The following FMN2 variants were observed in gnomAD, a reference collection of about 807,000 sequenced individuals.
The protein encoded by FMN2 is formin-2.
In FMN2, 51 loss-of-function variants were observed where a neutral mutation model predicts 142.3. That is an observed-to-expected ratio of 0.36 (90% CI 0.29 to 0.45). The LOEUF is 0.45. Among genes scored for constraint, FMN2 ranks in the 20% least tolerant of loss-of-function variants. The probability of loss-of-function intolerance (pLI) is 1.00; values close to 1 mark genes in which losing one functional copy is unlikely to be tolerated. For missense variants in FMN2, 1,936 were observed against 2,122.8 expected (o/e 0.91, Z 1.73); for synonymous variants, 882 against 869.8 (o/e 1.01, Z -0.25).
At chr1:240,471,384 C>T (rs1185233789) in intron 16 of FMN2, among the ~76,000 whole-genome samples, 2 of 143,128 alleles carry the variant, frequency 1.4e-5, no homozygotes, top group Non-Finnish European at 3.0e-5. Flanking sequence ...TTTTTTGAGA[C>T]GGAGTCTCGC....
At chr1:240,257,633 G>A (rs1200611160) in intron 6 of FMN2, among the ~76,000 whole-genome samples, 1 of 152,124 alleles carries the variant, frequency 6.6e-6, no homozygotes, top group African/African-American at 2.4e-5. Context: ...TGATTTTACA[G>A]AGACCAGACT....
intron 7 of FMN2, among the ~76,000 whole-genome samples, chr1:240,273,189 T>G (rs1669079968): frequency 6.6e-6 from 1 of 152,210 alleles, no homozygotes; most frequent in African/African-American, 2.4e-5. Context: ...TGAAATAGAT[T>G]GTCTGCAAGA....
intron 15 of FMN2, among the ~76,000 whole-genome samples, chr1:240,419,346 C>T (rs1674688112): frequency 6.6e-6 from 1 of 152,108 alleles, no homozygotes; most frequent in Admixed American, 6.5e-5. Context: ...TACATATCAG[C>T]TCTTTTTGGT....
At chr1:240,450,681 A>T (rs1676005594) in intron 16 of FMN2, among the ~76,000 whole-genome samples, 1 of 152,210 alleles carries the variant, frequency 6.6e-6, no homozygotes, top group South Asian at 2.1e-4. Context: ...GCTCCTGGCC[A>T]ATGTGGCTCC....
chr1:240,437,756 A>C (rs1375247227), intron 15 of FMN2, among the ~76,000 whole-genome samples: 3 of 152,212 alleles, frequency 2.0e-5, no homozygotes, highest in African/African-American at 7.2e-5. Flanking sequence ...GCCACTTTCA[A>C]TATGTCTCAT....
Position 240,211,163 on chromosome 1 carries a change from A to C in FMN2, c.3993A>C (p.Leu1331Phe). The C allele has an allele frequency of 6.2e-7, 1 of 1,613,556 alleles. No individual in the cohort carries two copies. Among genetic ancestry groups the C allele is most frequent in the Non-Finnish European group, 8.5e-7 (1 of 1,179,768 alleles). Residue 1331 changes from leucine (L) to phenylalanine (F), a missense_variant, in exon 6 of 18, where the codon TTA becomes TTC. By Grantham distance (22) the Leu-to-Phe change is conservative. This residue lies in a region of FMN2 where 259 missense variants were observed against 230.9 expected (regional missense o/e 1.12). Coordinates refer to ENST00000319653, the MANE Select transcript of FMN2 (RefSeq NM_020066.5). ...TAGATTGTCATGAATTTGAGGAATT[A>C]TTTTCTAAAACTGCTGTAAAGGAGA... ...PSIDCHEFEE[L>F]FSKTAVKERK... is the part of the protein sequence containing the mutation.
intron 6 of FMN2, among the ~76,000 whole-genome samples, chr1:240,225,083 A>G (rs1473029167): frequency 6.6e-6 from 1 of 152,198 alleles, no homozygotes; most frequent in Non-Finnish European, 1.5e-5. Flanking sequence ...GTCAGTTTCA[A>G]TACCTCTGTT....
At position 240,329,348 on chromosome 1, in the gene FMN2, T is replaced by C. The variant is rs374500757; in HGVS notation, c.4317T>C (p.Tyr1439=). Residue 1439 remains tyrosine (Y), a synonymous_variant, in exon 10 of 18, where the codon TAT becomes TAC. Transcript: ENST00000319653. The stretch of plus-strand genomic sequence containing the variant: ...GGCTTTATTTCCTTAGGTTCCTTTA[T>C]GAACTGTCACTAATCCCCAACTTTT... ...KSLDKPEQFL[Y]ELSLIPNFSE... 1.9e-6 allele frequency: 3 copies of C among 1,612,306 alleles called. No individual in the cohort carries two copies. The highest frequency in any genetic ancestry group is 2.5e-6 in the Non-Finnish European group (3 of 1,179,614).
rs879614643 is a variant in FMN2, at chr1:240,311,346, A to AT, written c.4215+16463_4215+16464insT. ...CTGTGTTCCCATAACTTCCTAGAGG[A>AT]ATTTAATTGATTCATGTTTTAAGCA... is the stretch of plus-strand genomic sequence containing the variant. On this transcript the variant is annotated intron_variant, in intron 8 of 17. Coordinates refer to ENST00000319653, the MANE Select transcript of FMN2 (RefSeq NM_020066.5). Among the ~76,000 whole-genome samples the AT allele has an allele frequency of 2.8e-3, 430 of 152,292 alleles. 2 individuals are homozygous for AT. The highest frequency in any genetic ancestry group is 0.017 in the South Asian group (82 of 4,824).
intron 7 of FMN2, among the ~76,000 whole-genome samples, chr1:240,278,263 GT>G (rs1669284371): frequency 6.6e-6 from 1 of 152,208 alleles, no homozygotes; most frequent in Non-Finnish European, 1.5e-5. Context: ...GATCTTTGGA[GT>G]GCTGTATTCC....
chr1:240,091,941 G>T lies in FMN2; in HGVS notation c.-169G>T. On this transcript the variant is annotated 5_prime_UTR_variant, in exon 1 of 18. Coordinates refer to ENST00000319653, the MANE Select transcript of FMN2 (RefSeq NM_020066.5). ...GCCGCCGCGCATTATGCAAAGCGGC[G>T]GCAGATGCGAGCGGGGCCAGCCGGG... The T allele has an allele frequency of 1.7e-6, 2 of 1,157,018 alleles. No individual in the cohort carries two copies. The highest frequency in any genetic ancestry group is 1.1e-6 in the Non-Finnish European group (1 of 878,334). The allele number at this position is 1,157,018 out of a possible 1,614,324, so 71.7% of individuals were successfully genotyped here. A position where few individuals can be genotyped will look rare whatever the true frequency, so the allele number is the denominator to read the frequency against.
intron 8 of FMN2, among the ~76,000 whole-genome samples, chr1:240,318,829 G>A (rs1670875504): frequency 6.6e-6 from 1 of 152,122 alleles, no homozygotes; most frequent in South Asian, 2.1e-4. Context: ...GTGGATCTGA[G>A]ACTCAGTGAT....
intron 8 of FMN2, among the ~76,000 whole-genome samples, chr1:240,304,535 C>T (rs1350458793): frequency 2.0e-5 from 3 of 152,068 alleles, no homozygotes; most frequent in Non-Finnish European, 2.9e-5. Context: ...ATGTCTGGCT[C>T]CCAAAAGGTG....
chr1:240,374,362 A>T (rs1214396437), intron 14 of FMN2, among the ~76,000 whole-genome samples: 27 of 152,256 alleles, frequency 1.8e-4, no homozygotes, highest in Non-Finnish European at 2.9e-5. Flanking sequence ...GCAGGCATTG[A>T]CTTCTCTCTA....
intron 6 of FMN2, among the ~76,000 whole-genome samples, chr1:240,228,327 A>AAAAAAAAG (rs1667404340): frequency 7.7e-5 from 6 of 78,370 alleles, no homozygotes; most frequent in Non-Finnish European, 9.1e-5. Flanking sequence ...AAAAAAAAAA[A>AAAAAAAAG]AAAAAGAAAA....
chr1:240,228,346 AAAAAGAAAG>A (rs1667415364), intron 6 of FMN2, among the ~76,000 whole-genome samples: 3 of 78,130 alleles, frequency 3.8e-5, no homozygotes, highest in African/African-American at 2.3e-4. Context: ...AAAGAAAAAG[AAAAAGAAAG>A]AAAAAAAATG....
chr1:240,342,964 C>A (rs548900621), intron 13 of FMN2, among the ~76,000 whole-genome samples: 2 of 151,232 alleles, frequency 1.3e-5, no homozygotes, highest in South Asian at 2.1e-4. Context: ...AAAATTCTCC[C>A]AAGAGGAAAA....
chr1:240,107,762 A>G (rs190095009), intron 1 of FMN2, among the ~76,000 whole-genome samples: 74 of 152,256 alleles, frequency 4.9e-4, no homozygotes, highest in African/African-American at 1.8e-3. Flanking sequence ...CAGGAAAAAA[A>G]ATCCCTTGAT....
chr1:240,206,995 TAGA>T lies in FMN2; in HGVS notation c.2188_2190del (p.Glu730del). 6.2e-7 allele frequency: 1 copy of T among 1,614,088 alleles called. No individual in the cohort carries two copies. Among genetic ancestry groups the T allele is most frequent in the Non-Finnish European group, 8.5e-7 (1 of 1,180,008 alleles). On this transcript the variant is annotated inframe_deletion, in exon 5 of 18. Coordinates refer to ENST00000319653, the MANE Select transcript of FMN2 (RefSeq NM_020066.5). The stretch of plus-strand genomic sequence containing the variant: ...GATGTCTGTCTCGAAGCTCTCAGGT[TAGA>T]AGAAAAGGAAGTACGGCATCATAGG...
Sources: allele counts gnomAD v4.1 joint callset (sites outside exome capture counted in the v4.1 genomes callset), GRCh38; gene constraint gnomAD v4.1.1; regional missense constraint gnomAD v4.1.1; transcripts MANE v1.5; gene names NCBI Gene and HGNC (gene_info 2026-07-23, HGNC 2026-07-21).